The following PHF3 variants were observed in gnomAD, a reference collection of about 807,000 sequenced individuals.
PHF3 encodes the protein PHD finger protein 3.
Under a neutral mutation model 178.4 loss-of-function variants are expected in PHF3, and 41 were observed. The observed-to-expected ratio is 0.23, with a 90% CI of 0.18 to 0.30. The LOEUF (loss-of-function observed/expected upper bound fraction) is 0.30, where lower values mean the gene tolerates loss of function less well. Ranked by LOEUF, PHF3 falls within the 10% of genes least tolerant of loss-of-function variation. The pLI, the probability that PHF3 is intolerant of heterozygous loss-of-function variation, is 1.00. For missense variants in PHF3, 2,346 were observed against 2,398.1 expected (o/e 0.98, Z 0.45); for synonymous variants, 842 against 800.5 (o/e 1.05, Z -0.88).
intron 9 of PHF3, among the ~76,000 whole-genome samples, chr6:63,701,302 A>G (rs1393810089): frequency 6.6e-6 from 1 of 152,228 alleles, no homozygotes; most frequent in Non-Finnish European, 1.5e-5. Context: ...TCTCAGACCT[A>G]ACTGGAATGT....
At chr6:63,645,620 T>C (rs1764751671) in intron 1 of PHF3, among the ~76,000 whole-genome samples, 1 of 152,180 alleles carries the variant, frequency 6.6e-6, no homozygotes, top group Admixed American at 6.5e-5. Flanking sequence ...AAATTAATAT[T>C]AACTTTTTTC....
At chr6:63,711,533 T>A in intron 15 of PHF3, 53 bp from the exon 16 acceptor site, 1 of 1,492,946 alleles carries the variant, frequency 6.7e-7, no homozygotes. Context: ...ATTTTACCTT[T>A]TTTTGCAATG....
At chr6:63,674,203 A>G (rs1766049115) in intron 2 of PHF3, among the ~76,000 whole-genome samples, 1 of 137,496 alleles carries the variant, frequency 7.3e-6, no homozygotes, top group African/African-American at 2.7e-5. Flanking sequence ...GTTCTTATTG[A>G]GACAATATGA....
chr6:63,645,596 T>TG (rs1764750609), intron 1 of PHF3, among the ~76,000 whole-genome samples: 1 of 152,190 alleles, frequency 6.6e-6, no homozygotes, highest in African/African-American at 2.4e-5. Flanking sequence ...GGTTAATCAC[T>TG]GGGACTTTTT....
At chr6:63,638,321 A>C (rs1768499992) in intron 1 of PHF3, among the ~76,000 whole-genome samples, 2 of 152,106 alleles carry the variant, frequency 1.3e-5, no homozygotes, top group Non-Finnish European at 2.9e-5. Flanking sequence ...TCATAGTATA[A>C]GGCCTACTTG....
At chr6:63,675,625 A>T (rs1766132265) in intron 2 of PHF3, among the ~76,000 whole-genome samples, 1 of 152,194 alleles carries the variant, frequency 6.6e-6, no homozygotes, top group South Asian at 2.1e-4. Flanking sequence ...CAGGAGTTCA[A>T]AAAAAGATGC....
At position 63,722,106 on chromosome 6, in the gene PHF3, A is replaced by G. The variant is rs747457235; in HGVS notation, c.*8398A>G. Among the ~76,000 whole-genome samples the G allele has an allele frequency of 6.6e-6, 1 of 152,124 alleles. No homozygotes were observed. The highest frequency in any genetic ancestry group is 1.5e-5 in the Non-Finnish European group (1 of 68,016). ...ATGAAAGCCTGTTCCTTATGATACC[A>G]TTTAATGGCATTCACTATTGTCAGG... On this transcript the variant is annotated 3_prime_UTR_variant, in exon 16 of 16. Coordinates refer to ENST00000262043, the MANE Select transcript of PHF3 (RefSeq NM_001370348.2).
chr6:63,660,892 C>A (rs1480062535), intron 2 of PHF3, among the ~76,000 whole-genome samples: 1 of 152,128 alleles, frequency 6.6e-6, no homozygotes, highest in African/African-American at 2.4e-5. Flanking sequence ...TATTTCAACC[C>A]ACTGTGTTTG....
chr6:63,644,391 A>T (rs577883645), intron 1 of PHF3, among the ~76,000 whole-genome samples: 98 of 151,790 alleles, frequency 6.5e-4, no homozygotes, highest in African/African-American at 2.2e-3. Flanking sequence ...AATATACTAA[A>T]TTTTTTTTTG....
chr6:63,690,816 T>G (rs1766965010), intron 4 of PHF3, among the ~76,000 whole-genome samples: 1 of 152,156 alleles, frequency 6.6e-6, no homozygotes, highest in South Asian at 2.1e-4. Flanking sequence ...TGTATATATC[T>G]CATTTGCTAT....
In PHF3 at chr6:63,672,096, C is replaced by T. The variant is rs187601335; in HGVS notation, c.245-7904C>T. 3.8e-3 allele frequency among the ~76,000 whole-genome samples: 584 copies of T among 152,336 alleles called. 3 individuals carry two copies. Among genetic ancestry groups the T allele is most frequent in the African/African-American group, 0.012 (507 of 41,566 alleles). On this transcript the variant is annotated intron_variant, in intron 2 of 15. Coordinates refer to ENST00000262043, the MANE Select transcript of PHF3 (RefSeq NM_001370348.2). ...GACCTTGTCGTCTGTCCGCCTCAGC[C>T]TCCCAAAGTGCTGGGATTGCAGGCG...
In PHF3 at chr6:63,714,810, T is replaced by C. The variant is rs1004997120; in HGVS notation, c.*1102T>C. The C allele has an allele frequency of 6.6e-6, 1 of 152,118 alleles. No homozygotes were observed. Among genetic ancestry groups the C allele is most frequent in the African/African-American group, 2.4e-5 (1 of 41,430 alleles). The allele number at this position is 152,118 out of a possible 1,614,324, so 9.4% of individuals were successfully genotyped here. On this transcript the variant is annotated 3_prime_UTR_variant, in exon 16 of 16. Transcript: ENST00000262043. ...TTGAAGAGAAATATGTTTTGAATCCTTTTATAAAATGTGCGATTTAGCCTA... is the reference window on the plus strand; with the variant it reads ...TTGAAGAGAAATATGTTTTGAATCCCTTTATAAAATGTGCGATTTAGCCTA...
chr6:63,643,785 C>T (rs988887002), intron 1 of PHF3, among the ~76,000 whole-genome samples: 4 of 152,058 alleles, frequency 2.6e-5, no homozygotes, highest in Non-Finnish European at 4.4e-5. Context: ...GAAAACTTGA[C>T]CCATTTTATT....
intron 1 of PHF3, among the ~76,000 whole-genome samples, chr6:63,637,048 C>G (rs1416759772): frequency 6.6e-6 from 1 of 152,006 alleles, no homozygotes; most frequent in Non-Finnish European, 1.5e-5. Context: ...AGTAGTCACG[C>G]GTAGAATATG....
At chr6:63,676,082 C>A (rs1766152311) in intron 2 of PHF3, among the ~76,000 whole-genome samples, 1 of 152,170 alleles carries the variant, frequency 6.6e-6, no homozygotes, top group African/African-American at 2.4e-5. Context: ...AAAGTGAAGT[C>A]AGTATGTTAC....
At chr6:63,703,211 T>G (rs771917721) in intron 10 of PHF3, among the ~76,000 whole-genome samples, 14 of 152,158 alleles carry the variant, frequency 9.2e-5, no homozygotes, top group Non-Finnish European at 1.8e-4. Context: ...GCTTAGAAAT[T>G]TGTAAGTGTT....
chr6:63,659,034 G>C (rs1411195125), intron 2 of PHF3, among the ~76,000 whole-genome samples: 1 of 152,006 alleles, frequency 6.6e-6, no homozygotes, highest in Non-Finnish European at 1.5e-5. Flanking sequence ...AAGTCTTTTG[G>C]TTTAAATGTT....
In PHF3 at chr6:63,721,416, C is replaced by T; in HGVS notation, c.*7708C>T. Reference sequence around the variant, plus strand: ...CCCACAGGCTGTCCCATCACAGTCACCTACATTTGAGCCACCTTTTGCTCC... The same window carrying T: ...CCCACAGGCTGTCCCATCACAGTCATCTACATTTGAGCCACCTTTTGCTCC... On this transcript the variant is annotated 3_prime_UTR_variant, in exon 16 of 16. Coordinates refer to ENST00000262043, the MANE Select transcript of PHF3 (RefSeq NM_001370348.2). 2 of 1,551,698 alleles carry T rather than the reference C, an allele frequency of 1.3e-6. No homozygotes were observed. Among genetic ancestry groups the T allele is most frequent in the Non-Finnish European group, 1.7e-6 (2 of 1,146,956 alleles).
At chr6:63,643,339 A>G (rs1441242991) in intron 1 of PHF3, among the ~76,000 whole-genome samples, 4 of 152,192 alleles carry the variant, frequency 2.6e-5, no homozygotes, top group African/African-American at 2.4e-5. Context: ...GTTACTTTCA[A>G]GGGAGTTCTT....
Sources: allele counts gnomAD v4.1 joint callset (sites outside exome capture counted in the v4.1 genomes callset), GRCh38; gene constraint gnomAD v4.1.1; transcripts MANE v1.5; gene names NCBI Gene and HGNC (gene_info 2026-07-23, HGNC 2026-07-21).